PRDM16: variants seen among roughly 807,000 people sequenced by gnomAD.
The protein encoded by PRDM16 is histone-lysine N-methyltransferase PRDM16.
In PRDM16, 23 loss-of-function variants were observed where a neutral mutation model predicts 110.6. The ratio of observed to expected loss-of-function variants is 0.21; its 90% confidence interval spans 0.15 to 0.29. PRDM16 has a LOEUF of 0.29. PRDM16 is among the 10% of genes least tolerant of loss of function. The pLI is 1.00. For missense variants in PRDM16, 1,615 were observed against 1,794.3 expected, an observed-to-expected ratio of 0.90 and a Z score of 1.81; for synonymous variants, 799 against 781.8, an observed-to-expected ratio of 1.02 and a Z score of -0.37.
chr1:3,284,447 C>G (rs972940618), intron 3 of PRDM16, among the ~76,000 whole-genome samples: 1 of 152,074 alleles, frequency 6.6e-6, no homozygotes, highest in Non-Finnish European at 1.5e-5. Context: ...TAAGGCGTGG[C>G]CAAAATGATG....
intron 1 of PRDM16, among the ~76,000 whole-genome samples, chr1:3,173,563 G>A (rs1644052534): frequency 6.6e-6 from 1 of 152,228 alleles, no homozygotes; most frequent in Non-Finnish European, 1.5e-5. Context: ...GGGCTGGGAG[G>A]GGCGTTCGTG....
chr1:3,207,827 G>A (rs1557529365), intron 2 of PRDM16: 2 of 152,402 alleles, frequency 1.3e-5, no homozygotes, highest in East Asian at 3.9e-4. Context: ...TAGAGTAGCT[G>A]TCTCTCACCA....
chr1:3,138,875 G>A (rs532620417), intron 1 of PRDM16, among the ~76,000 whole-genome samples: 133 of 152,312 alleles, frequency 8.7e-4, no homozygotes, highest in African/African-American at 2.9e-3. Context: ...ATCTTGTGAT[G>A]TACCGGGTGT....
chr1:3,118,215 ACACACACGTG>A (rs1007732926), intron 1 of PRDM16, among the ~76,000 whole-genome samples: 6 of 151,818 alleles, frequency 4.0e-5, no homozygotes, highest in African/African-American at 7.3e-5. Flanking sequence ...ACACACGCAC[ACACACACGTG>A]CACACACGTG....
intron 2 of PRDM16, among the ~76,000 whole-genome samples, chr1:3,240,510 C>A (rs1452824492): frequency 6.6e-6 from 1 of 152,120 alleles, no homozygotes; most frequent in Admixed American, 6.5e-5. Context: ...GTGGGTAAAG[C>A]GGAGTGTTGG....
At chr1:3,106,466 G>T (rs562374582) in intron 1 of PRDM16, among the ~76,000 whole-genome samples, 1 of 152,334 alleles carries the variant, frequency 6.6e-6, no homozygotes, top group South Asian at 2.1e-4. Context: ...GGTGCGAGAT[G>T]GATAGCTTTG....
chr1:3,294,538 G>T (rs1439035529), intron 3 of PRDM16, among the ~76,000 whole-genome samples: 1 of 152,060 alleles, frequency 6.6e-6, no homozygotes, highest in Non-Finnish European at 1.5e-5. Flanking sequence ...CAGCAACACA[G>T]CCCTCCATTC....
chr1:3,185,864 G>T (rs1644261174), intron 1 of PRDM16, among the ~76,000 whole-genome samples: 1 of 152,204 alleles, frequency 6.6e-6, no homozygotes, highest in African/African-American at 2.4e-5. Flanking sequence ...GGGTGTGTCG[G>T]GCTGTGCCAT....
chr1:3,320,069 T>G (rs1284091819), intron 3 of PRDM16, among the ~76,000 whole-genome samples: 1 of 152,168 alleles, frequency 6.6e-6, no homozygotes, highest in Non-Finnish European at 1.5e-5. Flanking sequence ...TGTGGCCTCT[T>G]GAAGAGACTT....
chr1:3,256,894 A>G (rs1037919272), intron 3 of PRDM16, among the ~76,000 whole-genome samples: 2 of 152,266 alleles, frequency 1.3e-5, no homozygotes, highest in Non-Finnish European at 2.9e-5. Flanking sequence ...TTCATTAAAA[A>G]AGAGTTTTCT....
intron 3 of PRDM16, among the ~76,000 whole-genome samples, chr1:3,263,477 T>C (rs1640216536): frequency 6.6e-6 from 1 of 152,220 alleles, no homozygotes; most frequent in Non-Finnish European, 1.5e-5. Flanking sequence ...GCATCTGTCC[T>C]GGTGGCCACT....
rs1308325742 is a variant in PRDM16 at position 3,417,806 on chromosome 1, C to T, written c.2692-22C>T. The T allele has an allele frequency of 3.7e-6, 6 of 1,611,544 alleles. No homozygotes were observed. The South Asian group carries it at 4.4e-5, about 12-fold the overall frequency. On this transcript the variant is annotated intron_variant, in intron 10 of 16. Transcript: ENST00000270722. ...AGGTGAGAGTCAGCTGAGTCCATAA[C>T]CTCCCACTCTTATGCCTACAGATGT...
At chr1:3,235,182 C>T (rs1639510360) in intron 2 of PRDM16, among the ~76,000 whole-genome samples, 1 of 152,104 alleles carries the variant, frequency 6.6e-6, no homozygotes, top group South Asian at 2.1e-4. Context: ...GGCCTTGGCT[C>T]TTTCATCTTC....
chr1:3,335,115 T>C (rs1444112807), intron 3 of PRDM16, among the ~76,000 whole-genome samples: 2 of 152,032 alleles, frequency 1.3e-5, no homozygotes, highest in African/African-American at 4.8e-5. Flanking sequence ...CTGAGAGAAC[T>C]CGCTTCAAGG....
At chr1:3,362,328 A>G (rs900230265) in intron 3 of PRDM16, among the ~76,000 whole-genome samples, 5 of 107,498 alleles carry the variant, frequency 4.7e-5, no homozygotes, top group Non-Finnish European at 9.7e-5. Context: ...CACCCTCTGC[A>G]TGGGACACCC....
chr1:3,376,396 C>A (rs556603533), intron 3 of PRDM16, among the ~76,000 whole-genome samples: 1 of 152,244 alleles, frequency 6.6e-6, no homozygotes, highest in African/African-American at 2.4e-5. Context: ...CTTCTGCCCT[C>A]AGAGTCCCAC....
chr1:3,259,471 A>C (rs1640116940), intron 3 of PRDM16, among the ~76,000 whole-genome samples: 1 of 152,192 alleles, frequency 6.6e-6, no homozygotes, highest in South Asian at 2.1e-4. Flanking sequence ...GGGGCCACAC[A>C]GCAGCCCTGT....
At chr1:3,223,792 G>A (rs1157785244) in intron 2 of PRDM16, among the ~76,000 whole-genome samples, 5 of 152,144 alleles carry the variant, frequency 3.3e-5, no homozygotes, top group Admixed American at 2.0e-4. Flanking sequence ...AACAGGCAGC[G>A]AGAACCGGGA....
intron 11 of PRDM16, 74 bp downstream of exon 11, chr1:3,418,071 G>A: frequency 7.6e-7 from 1 of 1,317,882 alleles, no homozygotes; most frequent in Non-Finnish European, 1.0e-6. Context: ...GTGAACCTGT[G>A]CTTCCAGGAA....
Sources: gnomAD v4.1 joint callset for allele counts (sites outside exome capture counted in the v4.1 genomes callset) on GRCh38, gnomAD v4.1.1 for gene constraint, MANE v1.5 for transcripts, NCBI Gene and HGNC (gene_info 2026-07-23, HGNC 2026-07-21) for gene names.